The following KAT2B variants were observed in gnomAD, a reference collection of about 807,000 sequenced individuals.
KAT2B encodes lysine acetyltransferase 2B, also known as histone acetyltransferase KAT2B.
A neutral mutation model predicts 105.9 loss-of-function variants in KAT2B; 36 were observed. That is an observed-to-expected ratio of 0.34 (90% confidence interval 0.26 to 0.45). KAT2B has a LOEUF of 0.45. KAT2B is among the 20% of genes least tolerant of loss of function. The pLI is 1.00. For missense variants in KAT2B, 820 were observed against 1,021.6 expected, an observed-to-expected ratio of 0.80 and a Z score of 2.69; for synonymous variants, 397 against 377.9, an observed-to-expected ratio of 1.05 and a Z score of -0.59.
intron 13 of KAT2B, 78 bp downstream of exon 13, chr3:20,140,442 C>T (rs933206276): frequency 3.5e-5 from 51 of 1,437,220 alleles, no homozygotes; most frequent in Non-Finnish European, 4.8e-5. Flanking sequence ...TTGGGTGCTG[C>T]GTGTATGTGT....
intron 12 of KAT2B, chr3:20,137,706 G>A (rs1170349465): frequency 1.3e-5 from 2 of 153,228 alleles, no homozygotes; most frequent in East Asian, 3.9e-4. Context: ...ATTTTTAGTA[G>A]AGACAGGGTT....
In KAT2B at chr3:20,148,268, C is replaced by G; in HGVS notation, c.2182C>G (p.Leu728Val). 6.2e-7 allele frequency: 1 copy of G among 1,614,092 alleles called. No individual in the cohort carries two copies. The highest frequency in any genetic ancestry group is 8.5e-7 in the Non-Finnish European group (1 of 1,179,948). ...KSKEPRDPDQ[L>V]YSTLKSILQQ... The stretch of plus-strand genomic sequence containing the variant: ...TAAAGAGCCCAGAGACCCTGACCAG[C>G]TTTACAGCACGCTCAAGAGCATCCT... The change falls in exon 16 of 18, where the codon CTT becomes GTT. Residue 728 changes from leucine (L) to valine (V), a missense_variant. Leu to Val is a conservative substitution (Grantham distance 32, BLOSUM62 1). Coordinates refer to ENST00000263754, the MANE Select transcript of KAT2B (RefSeq NM_003884.5).
chr3:20,117,132 A>C (rs1699220388), intron 7 of KAT2B, among the ~76,000 whole-genome samples: 1 of 152,206 alleles, frequency 6.6e-6, no homozygotes, highest in South Asian at 2.1e-4. Context: ...AAAATTCTCC[A>C]GTCTGCTCAA....
At chr3:20,148,080 C>A in intron 15 of KAT2B, 81 bp downstream of exon 15, 1 of 1,454,420 alleles carries the variant, frequency 6.9e-7, no homozygotes, top group Non-Finnish European at 9.6e-7. Context: ...AAACGGCAAA[C>A]TAATTGTAAT....
In KAT2B at chr3:20,127,609, T is replaced by G. The variant is rs1174765037; in HGVS notation, c.1749+60T>G. 11 of 1,512,756 alleles carry G rather than the reference T, an allele frequency of 7.3e-6. No individual in the cohort carries two copies. In the Admixed American group the frequency reaches 2.0e-4, roughly 27 times the overall value. The allele number at this position is 1,512,756 out of a possible 1,614,324, so 93.7% of individuals were successfully genotyped here. ...GAATGTGGGGCTTCTCACTAAGGCC[T>G]GCAGAGCTTGGGAAGATCTCTCTGT... On this transcript the variant is annotated intron_variant, in intron 11 of 17. Transcript: ENST00000263754.
At chr3:20,072,185 C>G (rs1369908358) in intron 1 of KAT2B, 148 bp from the exon 2 acceptor site, 6 of 788,490 alleles carry the variant, frequency 7.6e-6, no homozygotes, top group Non-Finnish European at 8.3e-6. Flanking sequence ...TTTGGGTTTT[C>G]TGTTTTTCTC....
Position 20,147,993 on chromosome 3 carries a change from A to T in KAT2B, c.2150A>T (p.Glu717Val). The change falls in exon 15 of 18, where the codon GAG becomes GTG. Residue 717 changes from glutamate to valine, a missense_variant. This residue lies in a region of KAT2B where 227 missense variants were observed against 292.9 expected (regional missense o/e 0.77). Transcript: ENST00000263754. ...ACAGGCTGGAAACCGAGTGGAAAAG[A>T]GAAAAGGTAAGTATGACGGGCAAGA... is the stretch of plus-strand genomic sequence containing the variant. ...RETGWKPSGK[E>V]KSKEPRDPDQ... 3.7e-6 allele frequency: 6 copies of T among 1,613,586 alleles called. No individual in the cohort carries two copies. Among genetic ancestry groups the T allele is most frequent in the Non-Finnish European group, 5.1e-6 (6 of 1,179,644 alleles).
chr3:20,108,596 G>A (rs150164221), intron 5 of KAT2B, among the ~76,000 whole-genome samples: 17 of 152,250 alleles, frequency 1.1e-4, no homozygotes, highest in African/African-American at 3.1e-4. Context: ...TGTTACAGTC[G>A]TTTGTAGTAT....
chr3:20,073,072 C>G (rs1698355630), intron 2 of KAT2B, among the ~76,000 whole-genome samples: 1 of 152,058 alleles, frequency 6.6e-6, no homozygotes, highest in South Asian at 2.1e-4. Context: ...AAGGCCTGTG[C>G]TAGTATGTTG....
intron 1 of KAT2B, among the ~76,000 whole-genome samples, chr3:20,066,331 A>C (rs916811536): frequency 4.0e-5 from 6 of 150,996 alleles, no homozygotes; most frequent in Admixed American, 1.3e-4. Context: ...CATGTCCTTA[A>C]CTGATCACAT....
chr3:20,140,265 C>A lies in KAT2B; in HGVS notation c.1905C>A (p.Gly635=). The part of the protein sequence containing the change: ...EIKIPKTKYV[G]YIKDYEGATL... ...AAATACCTAAAACCAAATATGTTGG[C>A]TATATCAAGGATTATGAAGGAGCCA... Residue 635 remains glycine (G), a synonymous_variant, in exon 13 of 18, where the codon GGC becomes GGA. Coordinates refer to ENST00000263754, the MANE Select transcript of KAT2B (RefSeq NM_003884.5). 1 of 1,611,282 alleles carries A rather than the reference C, an allele frequency of 6.2e-7. No homozygotes were observed. The highest frequency in any genetic ancestry group is 8.5e-7 in the Non-Finnish European group (1 of 1,177,516).
Position 20,152,519 on chromosome 3 carries a change from C to T in KAT2B, c.2493C>T (p.Asp831=). 6.2e-7 allele frequency: 1 copy of T among 1,611,394 alleles called. No homozygotes were observed. The highest frequency in any genetic ancestry group is 8.5e-7 in the Non-Finnish European group (1 of 1,178,346). ...AAATTAAGGAAGCTGGATTAATTGA[C>T]AAGTGATTTTTTTTCCCCTCTGCTT... is the stretch of plus-strand genomic sequence containing the variant. ...FSKIKEAGLI[D]K The change falls in exon 18 of 18, where the codon GAC becomes GAT. Residue 831 remains aspartate (D), a synonymous_variant. Transcript: ENST00000263754.
chr3:20,064,064 T>C (rs1240504162), intron 1 of KAT2B, among the ~76,000 whole-genome samples: 2 of 152,194 alleles, frequency 1.3e-5, no homozygotes, highest in African/African-American at 4.8e-5. Context: ...TCTATTCTGT[T>C]CCATTAGTAT....
chr3:20,076,567 C>T (rs1411664208), intron 2 of KAT2B, among the ~76,000 whole-genome samples: 4 of 152,188 alleles, frequency 2.6e-5, no homozygotes, highest in African/African-American at 7.2e-5. Context: ...AAGTTTCAAA[C>T]ACCCGTAAAG....
intron 6 of KAT2B, 121 bp from the exon 7 acceptor site, chr3:20,114,761 C>T (rs1699176884): frequency 5.0e-6 from 3 of 604,470 alleles, no homozygotes; most frequent in Non-Finnish European, 5.9e-6. Context: ...TTGTAATTCT[C>T]CATTATATTT....
At position 20,111,748 on chromosome 3, in the gene KAT2B, C is replaced by T; in HGVS notation, c.1004C>T (p.Pro335Leu). The change falls in exon 6 of 18, where the codon CCT becomes CTT. Residue 335 changes from proline (P) to leucine (L), a missense_variant. Physicochemically the swap from Pro to Leu is moderately conservative, Grantham distance 98 (BLOSUM62 -3). Around this residue, in one of 6 missense-constraint regions of KAT2B, gnomAD observed 173 missense variants for 249.5 expected, o/e 0.69. Transcript: ENST00000263754. ...GCAAGACAGGAAAAAGATAAACTGC[C>T]TCTTGAAAAACGAACTCTAATCCTC... ...EQARQEKDKLPLEKRTLILTH... is the reference protein window; with the variant it reads ...EQARQEKDKLLLEKRTLILTH... The T allele has an allele frequency of 6.2e-7, 1 of 1,613,892 alleles. No homozygotes were observed. The highest frequency in any genetic ancestry group is 8.5e-7 in the Non-Finnish European group (1 of 1,179,906).
chr3:20,091,111 C>G lies in KAT2B; in HGVS notation c.431-4152C>G, dbSNP rs1451275924. Reference sequence around the variant, plus strand: ...TTTAAAGTGTTTGGTAGAATTCAGCCTTGAAGCCATCAGGTCCTGGGCTTT... The same window carrying G: ...TTTAAAGTGTTTGGTAGAATTCAGCGTTGAAGCCATCAGGTCCTGGGCTTT... On this transcript the variant is annotated intron_variant, in intron 2 of 17. Transcript: ENST00000263754. Among the ~76,000 whole-genome samples, 3 of 152,176 alleles carry G rather than the reference C, an allele frequency of 2.0e-5. No individual in the cohort carries two copies. In the South Asian group the frequency reaches 6.2e-4, roughly 32 times the overall value.
Position 20,146,416 on chromosome 3 carries a change from G to C in KAT2B, c.2105G>C (p.Ser702Thr), listed in dbSNP as rs759358276. The change falls in exon 14 of 18, where the codon AGC (serine) becomes ACC (threonine). Residue 702 changes from serine (S) to threonine (T), a missense_variant. Transcript: ENST00000263754. ...GGAGTTCGACAGATTCCTATAGAAA[G>C]CATTCCTGGAATTAGTACGTATAGA... ...KDGVRQIPIESIPGIRETGWK... is the reference protein window; with the variant it reads ...KDGVRQIPIETIPGIRETGWK... 9.3e-6 allele frequency: 15 copies of C among 1,607,120 alleles called. No homozygotes were observed. Among genetic ancestry groups the C allele is most frequent in the Non-Finnish European group, 1.0e-5 (12 of 1,173,968 alleles).
At chr3:20,138,840 G>A (rs1302063255) in intron 12 of KAT2B, among the ~76,000 whole-genome samples, 1 of 152,054 alleles carries the variant, frequency 6.6e-6, no homozygotes, top group Non-Finnish European at 1.5e-5. Flanking sequence ...TAAATCTTCA[G>A]AATGTTAAAG....
Sources: allele counts gnomAD v4.1 joint callset (sites outside exome capture counted in the v4.1 genomes callset), GRCh38; gene constraint gnomAD v4.1.1; regional missense constraint gnomAD v4.1.1; transcripts MANE v1.5; gene names NCBI Gene and HGNC (gene_info 2026-07-23, HGNC 2026-07-21).